The following FGF12 variants were observed in gnomAD, a reference collection of about 807,000 sequenced individuals.
FGF12 encodes the protein fibroblast growth factor 12B.
FGF12 carries 14 observed loss-of-function variants against 23.6 expected under a neutral mutation model. That is an observed-to-expected ratio of 0.59 (90% CI 0.39 to 0.93). The LOEUF (loss-of-function observed/expected upper bound fraction) is 0.93, where lower values mean the gene tolerates loss of function less well. Ranked by LOEUF, FGF12 falls within the 40% of genes least tolerant of loss-of-function variation. The pLI, the probability that FGF12 is intolerant of heterozygous loss-of-function variation, is 0.00. For missense variants in FGF12, 175 were observed against 217.8 expected, an observed-to-expected ratio of 0.80 and a Z score of 1.24; for synonymous variants, 62 against 77.3, an observed-to-expected ratio of 0.80 and a Z score of 1.04.
At chr3:192,196,405 C>T (rs1015375652) in intron 4 of FGF12, among the ~76,000 whole-genome samples, 1 of 152,028 alleles carries the variant, frequency 6.6e-6, no homozygotes, top group Non-Finnish European at 1.5e-5. Flanking sequence ...AGTGTTAGAA[C>T]ACAACAAAAT....
rs1178413904 is a variant in FGF12, at chr3:192,409,815, G to A, written c.14-49277C>T. Among the ~76,000 whole-genome samples, 7 of 152,138 alleles carry A rather than the reference G, an allele frequency of 4.6e-5. No individual in the cohort carries two copies. The highest frequency in any genetic ancestry group is 1.7e-4 in the African/African-American group (7 of 41,562). ...GGGGCCGGAGGCGGAATCAGGGGCC[G>A]GGGCCAGGAGGCAGGTGCAGGCGGC... On this transcript the variant is annotated intron_variant, in intron 2 of 5. Coordinates refer to ENST00000445105, the MANE Select transcript of FGF12 (RefSeq NM_004113.6). The surrounding 1 kb of genome is among the most constrained non-coding windows in gnomAD (Gnocchi z 4.8).
chr3:192,379,090 A>T (rs1310969356), intron 2 of FGF12, among the ~76,000 whole-genome samples: 1 of 151,972 alleles, frequency 6.6e-6, no homozygotes, highest in Non-Finnish European at 1.5e-5. Flanking sequence ...CACGATTTAA[A>T]TTTTTTCTGG....
At chr3:192,572,547 CAAAG>C (rs551713315) in intron 2 of FGF12, among the ~76,000 whole-genome samples, 122 of 152,234 alleles carry the variant, frequency 8.0e-4, no homozygotes, top group Middle Eastern at 3.4e-3. Flanking sequence ...AAACAAAACT[CAAAG>C]GAATGCAAAG....
At chr3:192,515,981 A>G (rs1327833334) in intron 2 of FGF12, among the ~76,000 whole-genome samples, 5 of 152,130 alleles carry the variant, frequency 3.3e-5, no homozygotes, top group African/African-American at 1.2e-4. Flanking sequence ...TAGCAATACA[A>G]GTGATTAAGA....
chr3:192,232,649 C>T (rs1034627115), intron 4 of FGF12, among the ~76,000 whole-genome samples: 2 of 151,876 alleles, frequency 1.3e-5, no homozygotes, highest in Non-Finnish European at 2.9e-5. Flanking sequence ...TTTTGTTACC[C>T]AGATAGTGGC....
intron 2 of FGF12, among the ~76,000 whole-genome samples, chr3:192,492,037 A>T (rs1334942218): frequency 6.6e-6 from 1 of 152,200 alleles, no homozygotes; most frequent in East Asian, 1.9e-4. Flanking sequence ...GAGTATTCAT[A>T]CTACAGACTT....
chr3:192,723,512 T>C (rs1719104113), intron 2 of FGF12, among the ~76,000 whole-genome samples: 1 of 152,076 alleles, frequency 6.6e-6, no homozygotes. Flanking sequence ...CCAGATTTGA[T>C]TTGGTAGATG....
intron 4 of FGF12, among the ~76,000 whole-genome samples, chr3:192,217,854 T>TA (rs1405319185): frequency 6.6e-6 from 1 of 152,010 alleles, no homozygotes; most frequent in African/African-American, 2.4e-5. Flanking sequence ...CTTTTTTTTT[T>TA]AGATGGAATT....
chr3:192,621,710 A>AAAG (rs397963342), intron 2 of FGF12, among the ~76,000 whole-genome samples: 1 of 149,678 alleles, frequency 6.7e-6, no homozygotes, highest in African/African-American at 2.5e-5. Context: ...AAAAAAAAAA[A>AAAG]GGAACATACA....
At chr3:192,642,827 C>T (rs954427201) in intron 2 of FGF12, among the ~76,000 whole-genome samples, 2 of 152,254 alleles carry the variant, frequency 1.3e-5, no homozygotes, top group African/African-American at 4.8e-5. Context: ...TGATGAAGCA[C>T]ATCACTGCTC....
intron 2 of FGF12, among the ~76,000 whole-genome samples, chr3:192,711,275 CGGGA>C (rs1342359282): frequency 3.1e-5 from 4 of 128,994 alleles, no homozygotes; most frequent in South Asian, 2.6e-4. Context: ...CCGCCCCGTC[CGGGA>C]GGGAGGTGGG....
intron 4 of FGF12, among the ~76,000 whole-genome samples, chr3:192,315,591 G>C (rs1716185114): frequency 6.6e-6 from 1 of 151,994 alleles, no homozygotes; most frequent in Non-Finnish European, 1.5e-5. Flanking sequence ...GTCATCCTAG[G>C]GGGAAAAAAT....
intron 2 of FGF12, among the ~76,000 whole-genome samples, chr3:192,448,348 TTAGA>T (rs1171934451): frequency 1.3e-5 from 2 of 152,230 alleles, no homozygotes; most frequent in Non-Finnish European, 2.9e-5. Flanking sequence ...TTTTCTGATG[TTAGA>T]GCTAGACAAC....
chr3:192,381,300 C>T (rs1376991845), intron 2 of FGF12, among the ~76,000 whole-genome samples: 2 of 152,138 alleles, frequency 1.3e-5, no homozygotes, highest in Non-Finnish European at 2.9e-5. Context: ...TCAAAGACCA[C>T]GTACATTCTG....
chr3:192,528,911 C>A (rs940133134), intron 2 of FGF12, among the ~76,000 whole-genome samples: 7 of 152,150 alleles, frequency 4.6e-5, no homozygotes, highest in African/African-American at 9.7e-5. Context: ...GGACCCTGGG[C>A]CCCACTCACA....
At chr3:192,463,604 C>T (rs1048522124) in intron 2 of FGF12, among the ~76,000 whole-genome samples, 7 of 152,090 alleles carry the variant, frequency 4.6e-5, no homozygotes, top group African/African-American at 1.2e-4. Context: ...ACTTAACAGT[C>T]GTGCGTTTTG....
intron 4 of FGF12, chr3:192,268,864 T>G (rs1405224856): frequency 2.5e-5 from 4 of 160,736 alleles, no homozygotes; most frequent in Non-Finnish European, 5.5e-5. Flanking sequence ...GAACTTTGTA[T>G]GCAAATGTTA....
At chr3:192,155,052 A>C (rs1399147086) in intron 5 of FGF12, among the ~76,000 whole-genome samples, 4 of 150,294 alleles carry the variant, frequency 2.7e-5, no homozygotes, top group Admixed American at 2.0e-4. Context: ...AAAGCGCAAT[A>C]TTCGGGTGGG....
intron 2 of FGF12, among the ~76,000 whole-genome samples, chr3:192,432,530 A>C (rs1461168154): frequency 6.6e-6 from 1 of 151,482 alleles, no homozygotes; most frequent in African/African-American, 2.4e-5. Context: ...TAATGGCCTT[A>C]AAGGAGAAAT....
Sources: allele counts gnomAD v4.1 joint callset (sites outside exome capture counted in the v4.1 genomes callset), GRCh38; gene constraint gnomAD v4.1.1; non-coding constraint Gnocchi (gnomAD v3.1); transcripts MANE v1.5; gene names NCBI Gene and HGNC (gene_info 2026-07-23, HGNC 2026-07-21).